Variants in RYR1 observed in about 807,000 individuals in gnomAD.
The protein encoded by RYR1 is ryanodine receptor 1.
RYR1 carries 342 observed loss-of-function variants against 583.5 expected under a neutral mutation model. The observed-to-expected ratio is 0.59, with a 90% CI of 0.54 to 0.64. The LOEUF (loss-of-function observed/expected upper bound fraction) is 0.64, where lower values mean the gene tolerates loss of function less well. Among genes scored for constraint, RYR1 ranks in the 30% least tolerant of loss-of-function variants. RYR1 has a pLI of 0.00. For synonymous variants in RYR1, 2,791 were observed against 2,822.5 expected (o/e 0.99, Z 0.35); for missense variants, 6,032 against 6,917.2 (o/e 0.87, Z 4.54).
intron 76 of RYR1, among the ~76,000 whole-genome samples, chr19:38,530,631 G>A (rs1354328700): frequency 6.6e-6 from 1 of 152,070 alleles, no homozygotes; most frequent in African/African-American, 2.4e-5. Context: ...CTGGGCAGTG[G>A]CACAGGGACA....
Position 38,561,397 on chromosome 19 carries a change from C to G in RYR1, c.12567C>G (p.Ile4189Met). The G allele has an allele frequency of 6.2e-7, 1 of 1,613,180 alleles. No individual in the cohort carries two copies. The highest frequency in any genetic ancestry group is 8.5e-7 in the Non-Finnish European group (1 of 1,180,008). Residue 4189 changes from isoleucine (I) to methionine (M), a missense_variant, in exon 90 of 106, where the codon ATC becomes ATG. Around this residue, in one of 11 missense-constraint regions of RYR1, gnomAD observed 753 missense variants for 759.6 expected, o/e 0.99. Transcript: ENST00000359596. This position sits in a 1 kb window ranked among gnomAD's most constrained non-coding sequence, Gnocchi z 4.8. ...AGATCATGGGCGCGTCACGCCGCAT[C>G]GAGCGCATCTACTTCGAGATCTCAG... ...RIEIMGASRR[I>M]ERIYFEISET...
chr19:38,477,899 GCA>G, intron 30 of RYR1, 29 bp downstream of exon 30: 1 of 1,389,566 alleles, frequency 7.2e-7, no homozygotes, highest in Non-Finnish European at 1.0e-6. Flanking sequence ...GGTGGGAGGT[GCA>G]GGGTGGGGAG....
chr19:38,586,340 G>A, intron 104 of RYR1, 149 bp downstream of exon 104: 1 of 1,101,146 alleles, frequency 9.1e-7, no homozygotes. Context: ...TAAGGGTGGG[G>A]CCCCGCAAGA....
chr19:38,473,719 G>A lies in RYR1; in HGVS notation c.4108G>A (p.Ala1370Thr), dbSNP rs766147636. ...TPQAGGEAQP[A>T]RAENEKDATT... ...GCAGGCGGGGGGAGAGGCGCAGCCCGCCAGGGCGGAGAATGAGAAGGATGC... is the reference window on the plus strand; with the variant it reads ...GCAGGCGGGGGGAGAGGCGCAGCCCACCAGGGCGGAGAATGAGAAGGATGC... The change falls in exon 28 of 106, where the codon GCC (alanine) becomes ACC (threonine). Residue 1370 changes from alanine to threonine, a missense_variant. Physicochemically the swap from Ala to Thr is moderately conservative, Grantham distance 58. This residue lies in a region of RYR1 where 2,627 missense variants were observed against 2,961.3 expected (regional missense o/e 0.89). Transcript: ENST00000359596. 177 of 1,547,654 alleles carry A rather than the reference G, an allele frequency of 1.1e-4. No individual in the cohort carries two copies. The highest frequency in any genetic ancestry group is 3.5e-4 in the Middle Eastern group (2 of 5,742).
Position 38,565,102 on chromosome 19 carries a change from G to T in RYR1, c.12768G>T (p.Glu4256Asp). 1 of 1,547,352 alleles carries T rather than the reference G, an allele frequency of 6.5e-7. No homozygotes were observed. Among genetic ancestry groups the T allele is most frequent in the Non-Finnish European group, 8.7e-7 (1 of 1,149,550 alleles). The change falls in exon 91 of 106, where the codon GAG (glutamate) becomes GAT (aspartate). Residue 4256 changes from glutamate to aspartate, a missense_variant. Glu to Asp is a conservative substitution (Grantham distance 45). Transcript: ENST00000359596. The surrounding 1 kb of genome is among the most constrained non-coding windows in gnomAD (Gnocchi z 4.7). The stretch of plus-strand genomic sequence containing the variant: ...CGCAGATCTCGGAGCCCGAGGGCGA[G>T]CCGGAGACCGACGAGGACGAGGGCG... ...IAAQISEPEG[E>D]PETDEDEGAG... is the part of the protein sequence containing the mutation.
intron 76 of RYR1, among the ~76,000 whole-genome samples, chr19:38,530,329 A>G (rs539704012): frequency 1.3e-5 from 2 of 151,856 alleles, no homozygotes; most frequent in South Asian, 4.2e-4. Flanking sequence ...AGCTCATTGC[A>G]GCTCAGACCC....
intron 20 of RYR1, 114 bp from the exon 21 acceptor site, chr19:38,463,309 G>A: frequency 1.2e-6 from 1 of 826,940 alleles, no homozygotes; most frequent in South Asian, 1.4e-5. Flanking sequence ...TGGATGGTGG[G>A]AAAGGGGGTG....
chr19:38,561,239 G>A lies in RYR1; in HGVS notation c.12409G>A (p.Asp4137Asn), dbSNP rs200312759. The change falls in exon 90 of 106, where the codon GAC becomes AAC. Residue 4137 changes from aspartate to asparagine, a missense_variant. Physicochemically the swap from Asp to Asn is conservative, Grantham distance 23. Transcript: ENST00000359596. This position sits in a 1 kb window ranked among gnomAD's most constrained non-coding sequence, Gnocchi z 4.8. ...CAACCGCTTCCAGGAGCCAGCACGC[G>A]ACATCGGCTTCAACGTGGCGGTGCT... ...FANRFQEPARDIGFNVAVLLT... is the reference protein window; with the variant it reads ...FANRFQEPARNIGFNVAVLLT... The A allele has an allele frequency of 1.1e-5, 17 of 1,614,070 alleles. No homozygotes were observed. In the Admixed American group the frequency reaches 2.3e-4, roughly 22 times the overall value.
chr19:38,494,749 G>A, intron 39 of RYR1, 124 bp downstream of exon 39: 3 of 1,212,810 alleles, frequency 2.5e-6, no homozygotes, highest in East Asian at 4.8e-5. Flanking sequence ...TCTCTCGATG[G>A]CTAGCTCACC....
At chr19:38,551,825 C>T (rs1356206257) in intron 89 of RYR1, among the ~76,000 whole-genome samples, 2 of 152,194 alleles carry the variant, frequency 1.3e-5, no homozygotes, top group Admixed American at 6.5e-5. Context: ...TTACCCTTCA[C>T]TGTGCCTGAG....
Position 38,433,765 on chromosome 19 carries a change from GCCCAGCCCGCAGCCC to G in RYR1, c.-62_-48del, listed in dbSNP as rs1972301942. The G allele has an allele frequency of 8.9e-6, 2 of 223,866 alleles. No homozygotes were observed. Among genetic ancestry groups the G allele is most frequent in the Non-Finnish European group, 1.6e-5 (2 of 124,826 alleles). The allele number at this position is 223,866 out of a possible 1,614,324, so 13.9% of individuals were successfully genotyped here. On this transcript the variant is annotated 5_prime_UTR_variant, in exon 1 of 106. Coordinates refer to ENST00000359596, the MANE Select transcript of RYR1 (RefSeq NM_000540.3). ...ACCCCAGCCCGCCCCCAGCCCTCCC[GCCCAGCCCGCAGCCC>G]CCTCCCTCTGTTCCCCGACCTCAGA...
chr19:38,526,899 AG>A, intron 71 of RYR1, 93 bp from the exon 72 acceptor site: 1 of 1,374,340 alleles, frequency 7.3e-7, no homozygotes, highest in South Asian at 1.2e-5. Context: ...AAACCTCTTC[AG>A]TTCCTGGGGT....
At position 38,478,466 on chromosome 19, in the gene RYR1, G is replaced by A; in HGVS notation, c.4486G>A (p.Gly1496Ser). ...LKCSNCYMVWGGDFVSPGQQG... is the reference protein window; with the variant it reads ...LKCSNCYMVWSGDFVSPGQQG... ...GTGTAGCAACTGCTACATGGTGTGG[G>A]GCGGAGACTTTGTGAGTCCCGGGCA... The change falls in exon 31 of 106, where the codon GGC becomes AGC. Residue 1496 changes from glycine to serine, a missense_variant. Gly to Ser is a moderately conservative substitution (Grantham distance 56). Around this residue, in one of 11 missense-constraint regions of RYR1, gnomAD observed 2,627 missense variants for 2,961.3 expected, o/e 0.89. Coordinates refer to ENST00000359596, the MANE Select transcript of RYR1 (RefSeq NM_000540.3). 1.2e-6 allele frequency: 2 copies of A among 1,613,974 alleles called. No homozygotes were observed. The highest frequency in any genetic ancestry group is 1.3e-5 in the African/African-American group (1 of 75,014).
intron 93 of RYR1, among the ~76,000 whole-genome samples, chr19:38,569,948 G>A (rs1973636025): frequency 6.6e-6 from 1 of 152,186 alleles, no homozygotes; most frequent in Admixed American, 6.5e-5. Context: ...TGGATCACCT[G>A]AGGTCAGGAG....
intron 20 of RYR1, among the ~76,000 whole-genome samples, chr19:38,461,720 T>TG (rs1212656829): frequency 4.8e-3 from 98 of 20,244 alleles, no homozygotes; most frequent in Non-Finnish European, 7.0e-3. Flanking sequence ...AGCAAAACCC[T>TG]GAAAAAAAAA....
Position 38,561,279 on chromosome 19 carries a change from C to T in RYR1, c.12449C>T (p.Ser4150Leu), listed in dbSNP as rs143843083. 4 of 1,614,048 alleles carry T rather than the reference C, an allele frequency of 2.5e-6. No homozygotes were observed. Among genetic ancestry groups the T allele is most frequent in the African/African-American group, 1.3e-5 (1 of 75,060 alleles). Residue 4150 changes from serine to leucine, a missense_variant, in exon 90 of 106, where the codon TCG (serine) becomes TTG (leucine). Physicochemically the swap from Ser to Leu is moderately radical, Grantham distance 145. This residue lies in a region of RYR1 where 753 missense variants were observed against 759.6 expected (regional missense o/e 0.99). Transcript: ENST00000359596. The surrounding 1 kb of genome is among the most constrained non-coding windows in gnomAD (Gnocchi z 4.8). The stretch of plus-strand genomic sequence containing the variant: ...GTGGCGGTGCTGCTGACCAACCTGT[C>T]GGAGCATGTGCCGCATGACCCTCGC... ...FNVAVLLTNL[S>L]EHVPHDPRLH...
In RYR1 at chr19:38,494,388, G is replaced by A. The variant is rs745319881; in HGVS notation, c.6311G>A (p.Arg2104His). The change falls in exon 39 of 106, where the codon CGC becomes CAC. Residue 2104 changes from arginine to histidine, a missense_variant. This residue lies in a region of RYR1 where 2,627 missense variants were observed against 2,961.3 expected (regional missense o/e 0.89). Transcript: ENST00000359596. ...GAGCTGGTGTCCCACATGGTGGTGC[G>A]CTGGGCCCAAGAGGACTTCGTGCAG... ...LQELVSHMVV[R>H]WAQEDFVQSP... 6.2e-6 allele frequency: 10 copies of A among 1,611,580 alleles called. No individual in the cohort carries two copies. The Admixed American group carries it at 1.0e-4, about 16-fold the overall frequency.
chr19:38,472,835 TAAAAAAAAAAA>T (rs34985897), intron 27 of RYR1, among the ~76,000 whole-genome samples: 4 of 107,296 alleles, frequency 3.7e-5, no homozygotes, highest in African/African-American at 9.9e-5. Flanking sequence ...GACTCTTGTC[TAAAAAAAAAAA>T]AAAAAAAAAA....
At position 38,467,820 on chromosome 19, in the gene RYR1, C is replaced by T. The variant is rs953368493; in HGVS notation, c.3381+8C>T. The T allele has an allele frequency of 1.9e-6, 3 of 1,613,252 alleles. No individual in the cohort carries two copies. The African/African-American group carries it at 4.0e-5, about 22-fold the overall frequency. ...GTCTTCAATGGGCACCGCGTGGGTACCTCCCTGGGCACCATTCTGCCAGGT... is the reference window on the plus strand; with the variant it reads ...GTCTTCAATGGGCACCGCGTGGGTATCTCCCTGGGCACCATTCTGCCAGGT... On this transcript the variant is annotated splice_region_variant and intron_variant, in intron 25 of 105. Coordinates refer to ENST00000359596, the MANE Select transcript of RYR1 (RefSeq NM_000540.3).
Sources: gnomAD v4.1 joint callset for allele counts (sites outside exome capture counted in the v4.1 genomes callset) on GRCh38, gnomAD v4.1.1 for gene constraint, gnomAD v4.1.1 regional missense constraint, Gnocchi (gnomAD v3.1) non-coding constraint, MANE v1.5 for transcripts, NCBI Gene and HGNC (gene_info 2026-07-23, HGNC 2026-07-21) for gene names.